The following PTPRN2 variants were observed in gnomAD, a reference collection of about 807,000 sequenced individuals.
The protein encoded by PTPRN2 is receptor-type tyrosine-protein phosphatase N2.
PTPRN2 carries 74 observed loss-of-function variants against 118.8 expected under a neutral mutation model. That is an observed-to-expected ratio of 0.62 (90% confidence interval 0.52 to 0.76). PTPRN2 has a LOEUF of 0.76. Among genes scored for constraint, PTPRN2 ranks in the 30% least tolerant of loss-of-function variants. PTPRN2 has a pLI of 0.00. For missense variants in PTPRN2, 1,481 were observed against 1,394.4 expected, an observed-to-expected ratio of 1.06 and a Z score of -0.99; for synonymous variants, 641 against 608.0, an observed-to-expected ratio of 1.05 and a Z score of -0.80.
chr7:158,344,091 C>A (rs566736157), intron 2 of PTPRN2, among the ~76,000 whole-genome samples: 1 of 152,126 alleles, frequency 6.6e-6, no homozygotes, highest in African/African-American at 2.4e-5. Flanking sequence ...CCAGCACCTT[C>A]CAAAAACACA....
At chr7:158,070,664 CTGG>C (rs1811242357) in intron 11 of PTPRN2, among the ~76,000 whole-genome samples, 2 of 69,216 alleles carry the variant, frequency 2.9e-5, no homozygotes, top group Non-Finnish European at 5.4e-5. Flanking sequence ...GGAGGTGCTC[CTGG>C]TGGTGGAGGT....
intron 17 of PTPRN2, among the ~76,000 whole-genome samples, chr7:157,584,297 TTCCTC>T (rs1482967542): frequency 6.6e-6 from 1 of 152,218 alleles, no homozygotes; most frequent in African/African-American, 2.4e-5. Context: ...CCGTATGTCT[TTCCTC>T]TACCAGACTA....
At chr7:158,278,404 G>C (rs912456716) in intron 3 of PTPRN2, among the ~76,000 whole-genome samples, 1 of 147,128 alleles carries the variant, frequency 6.8e-6, no homozygotes, top group Non-Finnish European at 1.5e-5. Flanking sequence ...TCCCAGCTAC[G>C]CGGGAGGCTG....
At chr7:158,030,000 A>G (rs1458180436) in intron 11 of PTPRN2, 1 of 152,246 alleles carries the variant, frequency 6.6e-6, no homozygotes, top group African/African-American at 2.4e-5. Flanking sequence ...CATCAAAGAC[A>G]TGTAGAGAGA....
At chr7:158,117,067 GT>G (rs34806736) in intron 9 of PTPRN2, among the ~76,000 whole-genome samples, 48,855 of 151,696 alleles carry the variant, frequency 0.32, 7,993 homozygotes, top group East Asian at 0.42. Flanking sequence ...AAGGAAAAAG[GT>G]AAGTCAACAA....
intron 12 of PTPRN2, among the ~76,000 whole-genome samples, chr7:157,885,013 C>T (rs1465352634): frequency 2.0e-5 from 3 of 152,142 alleles, no homozygotes; most frequent in Non-Finnish European, 2.9e-5. Context: ...GAATCCACTT[C>T]GGCTTGTTTA....
intron 11 of PTPRN2, among the ~76,000 whole-genome samples, chr7:157,965,827 C>T (rs898933010): frequency 2.0e-5 from 3 of 152,210 alleles, no homozygotes; most frequent in Non-Finnish European, 4.4e-5. Flanking sequence ...AAAATAAGAG[C>T]CCCCTCATTA....
At chr7:157,754,449 G>T (rs1484147531) in intron 12 of PTPRN2, among the ~76,000 whole-genome samples, 1 of 152,258 alleles carries the variant, frequency 6.6e-6, no homozygotes, top group Non-Finnish European at 1.5e-5. Context: ...GGAGGAGGCG[G>T]TGTGGGACCG....
At position 158,237,713 on chromosome 7, in the gene PTPRN2, CTTACGAGAAA is replaced by C. The variant is rs1795615477; in HGVS notation, c.278-32450_278-32441del. Among the ~76,000 whole-genome samples the C allele has an allele frequency of 1.4e-5, 2 of 143,624 alleles. 1 individual carries two copies. The highest frequency in any genetic ancestry group is 3.0e-5 in the Non-Finnish European group (2 of 65,922). The allele number at this position is 143,624 out of a possible 152,430, so 94.2% of individuals were successfully genotyped here. ...TTCTTTTCCAAATCTCTCGTCCCAC[CTTACGAGAAA>C]CACCCACAGGTGTGTAGGGGCAACC... On this transcript the variant is annotated intron_variant, in intron 3 of 22. Coordinates refer to ENST00000389418, the MANE Select transcript of PTPRN2 (RefSeq NM_002847.5).
chr7:158,372,085 C>T (rs1810042471), intron 2 of PTPRN2, among the ~76,000 whole-genome samples: 1 of 152,180 alleles, frequency 6.6e-6, no homozygotes, highest in Admixed American at 6.5e-5. Context: ...GCACCTCTGG[C>T]TGAGCACTGC....
chr7:157,919,872 C>A (rs1441846483), intron 11 of PTPRN2, among the ~76,000 whole-genome samples: 3 of 152,158 alleles, frequency 2.0e-5, no homozygotes, highest in Admixed American at 6.5e-5. Context: ...TGTCACCTTG[C>A]GACGTCACAG....
chr7:157,815,236 C>T (rs1164080563), intron 12 of PTPRN2, among the ~76,000 whole-genome samples: 1 of 152,188 alleles, frequency 6.6e-6, no homozygotes, highest in Non-Finnish European at 1.5e-5. Context: ...CAGGGCCAGC[C>T]GTTTGCAGGA....
At chr7:158,218,645 T>G (rs1828129144) in intron 3 of PTPRN2, among the ~76,000 whole-genome samples, 1 of 152,226 alleles carries the variant, frequency 6.6e-6, no homozygotes, top group Admixed American at 6.5e-5. Flanking sequence ...ATTGACAAGT[T>G]GGATAAAGAG....
At chr7:158,556,444 C>T (rs1827001382) in intron 1 of PTPRN2, among the ~76,000 whole-genome samples, 1 of 151,980 alleles carries the variant, frequency 6.6e-6, no homozygotes, top group Non-Finnish European at 1.5e-5. Context: ...ATCCCAGCTA[C>T]TCAGGAGGCT....
intron 12 of PTPRN2, among the ~76,000 whole-genome samples, chr7:157,758,644 G>T (rs1427694612): frequency 6.6e-6 from 1 of 152,210 alleles, no homozygotes; most frequent in African/African-American, 2.4e-5. Flanking sequence ...GACGGGACTG[G>T]CATGTCTCCT....
rs112002108 is a variant in PTPRN2 at position 158,316,085 on chromosome 7, C to T, written c.277+734G>A. 9.1e-3 allele frequency among the ~76,000 whole-genome samples: 1,388 copies of T among 152,312 alleles called. 12 individuals carry two copies. Among genetic ancestry groups the T allele is most frequent in the Middle Eastern group, 0.02 (6 of 294 alleles). ...TGAGTCCCCAACATGACATCATTCC[C>T]CGAGGTGATCAGCCAGCCGCCGGGG... On this transcript the variant is annotated intron_variant, in intron 3 of 22. Transcript: ENST00000389418.
In PTPRN2 at chr7:157,946,554, C is replaced by T. The variant is rs147786664; in HGVS notation, c.1724-47817G>A. ...AGGCCCACAGCAGCTCCTGAGGGCA[C>T]GTAAGCTTGCAGGAACAGGATGATC... On this transcript the variant is annotated intron_variant, in intron 11 of 22. Transcript: ENST00000389418. Among the ~76,000 whole-genome samples the T allele has an allele frequency of 3.8e-3, 580 of 152,312 alleles. 5 individuals are homozygous for T. The highest frequency in any genetic ancestry group is 9.1e-3 in the African/African-American group (380 of 41,568).
At position 157,869,853 on chromosome 7, in the gene PTPRN2, G is replaced by A. The variant is rs1307167332; in HGVS notation, c.1788+28820C>T. On this transcript the variant is annotated intron_variant, in intron 12 of 22. Coordinates refer to ENST00000389418, the MANE Select transcript of PTPRN2 (RefSeq NM_002847.5). The surrounding 1 kb of genome is among the most constrained non-coding windows in gnomAD (Gnocchi z 4.2). The stretch of plus-strand genomic sequence containing the variant: ...CAAAACACCCACATAATAAGCAGAT[G>A]TTATTTTTCTCTGGCCCTCCAGAAA... Among the ~76,000 whole-genome samples the A allele has an allele frequency of 1.3e-5, 2 of 152,192 alleles. No homozygotes were observed. Among genetic ancestry groups the A allele is most frequent in the Non-Finnish European group, 2.9e-5 (2 of 68,040 alleles).
chr7:158,238,338 C>G (rs745464293), intron 3 of PTPRN2, among the ~76,000 whole-genome samples: 1 of 152,056 alleles, frequency 6.6e-6, no homozygotes, highest in Non-Finnish European at 1.5e-5. Flanking sequence ...CAAGCAGGTC[C>G]TGCCAGTTAC....
Sources: gnomAD v4.1 joint callset for allele counts (sites outside exome capture counted in the v4.1 genomes callset) on GRCh38, gnomAD v4.1.1 for gene constraint, Gnocchi (gnomAD v3.1) non-coding constraint, MANE v1.5 for transcripts, NCBI Gene and HGNC (gene_info 2026-07-23, HGNC 2026-07-21) for gene names.